The following ALMS1 variants were observed in gnomAD, a reference collection of about 807,000 sequenced individuals.
The protein encoded by ALMS1 is ALMS1 centrosome and basal body associated protein.
In ALMS1, 271 loss-of-function variants were observed where a neutral mutation model predicts 352.2. The observed-to-expected ratio is 0.77, with a 90% CI of 0.70 to 0.85. ALMS1 has a LOEUF of 0.85. Ranked by LOEUF, ALMS1 falls within the 40% of genes least tolerant of loss-of-function variation. The probability of loss-of-function intolerance (pLI) is 0.00; values close to 1 mark genes in which losing one functional copy is unlikely to be tolerated. For synonymous variants in ALMS1, 1,865 were observed against 1,761.2 expected, an observed-to-expected ratio of 1.06 and a Z score of -1.48; for missense variants, 5,445 against 4,870.7, an observed-to-expected ratio of 1.12 and a Z score of -3.51.
intron 1 of ALMS1, among the ~76,000 whole-genome samples, chr2:73,392,284 GT>G: frequency 6.7e-6 from 1 of 150,274 alleles, no homozygotes; most frequent in Non-Finnish European, 1.5e-5. Context: ...GTGTGTGTGT[GT>G]GTGTGTGTGT....
intron 21 of ALMS1, among the ~76,000 whole-genome samples, chr2:73,605,510 T>TG (rs1230367684): frequency 2.6e-5 from 4 of 152,210 alleles, no homozygotes; most frequent in African/African-American, 9.7e-5. Context: ...AGGAAAAGTT[T>TG]ATGACATGTT....
intron 9 of ALMS1, 133 bp downstream of exon 9, chr2:73,455,428 C>A (rs1260920290): frequency 9.6e-6 from 11 of 1,146,472 alleles, no homozygotes; most frequent in Non-Finnish European, 1.3e-5. Flanking sequence ...GTTTTTGAGA[C>A]AGTCTTGCTC....
intron 1 of ALMS1, among the ~76,000 whole-genome samples, chr2:73,394,495 G>A (rs1426216870): frequency 1.3e-5 from 2 of 152,080 alleles, no homozygotes; most frequent in African/African-American, 2.4e-5. Context: ...GATTACAGAT[G>A]CACACCACCA....
chr2:73,532,908 A>G (rs1673951391), intron 11 of ALMS1, among the ~76,000 whole-genome samples: 1 of 152,058 alleles, frequency 6.6e-6, no homozygotes, highest in African/African-American at 2.4e-5. Context: ...ACTGCTCACT[A>G]TTCAGGACCC....
Position 73,452,886 on chromosome 2 carries a change from A to G in ALMS1, c.6359A>G (p.Lys2120Arg), listed in dbSNP as rs745919138. 1.5e-5 allele frequency: 24 copies of G among 1,613,920 alleles called. No individual in the cohort carries two copies. The highest frequency in any genetic ancestry group is 1.9e-5 in the Non-Finnish European group (23 of 1,179,974). The change falls in exon 8 of 23, where the codon AAG becomes AGG. Residue 2120 changes from lysine (K) to arginine (R), a missense_variant. Lys to Arg is a conservative substitution (Grantham distance 26, BLOSUM62 2). Coordinates refer to ENST00000613296, the MANE Select transcript of ALMS1 (RefSeq NM_001378454.1). ...AGTCATGTAACTGAAGATGTGCTGAAGGTTTCAACAATTCCTGGACCAGCT... is the reference window on the plus strand; with the variant it reads ...AGTCATGTAACTGAAGATGTGCTGAGGGTTTCAACAATTCCTGGACCAGCT... Reference protein sequence around the residue: ...PGSHVTEDVLKVSTIPGPAGQ... With the variant: ...PGSHVTEDVLRVSTIPGPAGQ...
At chr2:73,419,088 A>G in intron 2 of ALMS1, 35 bp from the exon 3 acceptor site, 1 of 1,545,156 alleles carries the variant, frequency 6.5e-7, no homozygotes. Flanking sequence ...AACTCAGTTA[A>G]TGACTTAGCA....
chr2:73,541,149 G>C (rs952103966), intron 12 of ALMS1, among the ~76,000 whole-genome samples: 3 of 152,156 alleles, frequency 2.0e-5, no homozygotes, highest in Non-Finnish European at 4.4e-5. Context: ...AAATGTAAAA[G>C]AACAGAAATT....
At chr2:73,568,995 CTTTTTTTTTTTTTTTTTT>C (rs747436819) in intron 15 of ALMS1, among the ~76,000 whole-genome samples, 80 of 53,552 alleles carry the variant, frequency 1.5e-3, no homozygotes, top group African/African-American at 4.9e-3. Context: ...GCTTCTGCTT[CTTTTTTTTTTTTTTTTTT>C]TTTTTTTTTT....
intron 10 of ALMS1, among the ~76,000 whole-genome samples, chr2:73,518,720 TGAG>T (rs1187583552): frequency 6.6e-6 from 1 of 152,220 alleles, no homozygotes; most frequent in East Asian, 1.9e-4. Context: ...TCAGTGATAT[TGAG>T]CTTTTTTCAT....
intron 2 of ALMS1, 41 bp from the exon 3 acceptor site, chr2:73,419,082 C>A: frequency 1.3e-6 from 2 of 1,504,800 alleles, no homozygotes; most frequent in Non-Finnish European, 1.8e-6. Flanking sequence ...TATGGTAACT[C>A]AGTTAATGAC....
At chr2:73,529,988 G>A (rs1431369063) in intron 11 of ALMS1, among the ~76,000 whole-genome samples, 1 of 152,056 alleles carries the variant, frequency 6.6e-6, no homozygotes, top group African/African-American at 2.4e-5. Context: ...CCTCCCACCA[G>A]GTCCCTCCCT....
chr2:73,569,786 C>T (rs1215811479), intron 15 of ALMS1, among the ~76,000 whole-genome samples: 1 of 152,088 alleles, frequency 6.6e-6, no homozygotes, highest in Admixed American at 6.5e-5. Context: ...GGGGAAAGGC[C>T]AGCACAACTA....
At chr2:73,405,021 C>T (rs543343376) in intron 1 of ALMS1, among the ~76,000 whole-genome samples, 1 of 149,064 alleles carries the variant, frequency 6.7e-6, no homozygotes, top group Non-Finnish European at 1.5e-5. Context: ...AAGCAGTCCT[C>T]CTACCTCAGC....
At chr2:73,517,021 A>G (rs542091671) in intron 10 of ALMS1, among the ~76,000 whole-genome samples, 55 of 152,122 alleles carry the variant, frequency 3.6e-4, no homozygotes, top group African/African-American at 1.1e-3. Flanking sequence ...ATTTCAGTCT[A>G]TTACTCTGAC....
At chr2:73,539,761 C>T (rs1400916601) in intron 12 of ALMS1, among the ~76,000 whole-genome samples, 1 of 152,052 alleles carries the variant, frequency 6.6e-6, no homozygotes, top group Non-Finnish European at 1.5e-5. Flanking sequence ...GATCAACTGG[C>T]AGAAAGGGTA....
chr2:73,515,054 A>C (rs1673527628), intron 10 of ALMS1, among the ~76,000 whole-genome samples: 1 of 152,152 alleles, frequency 6.6e-6, no homozygotes, highest in Non-Finnish European at 1.5e-5. Context: ...CTCTTCTCCT[A>C]GGAGTAAGAT....
intron 12 of ALMS1, 110 bp downstream of exon 12, chr2:73,535,059 T>C: frequency 7.2e-7 from 1 of 1,393,334 alleles, no homozygotes; most frequent in South Asian, 1.2e-5. Flanking sequence ...TTCAGTGAAA[T>C]ATGGAACTTT....
At position 73,561,553 on chromosome 2, in the gene ALMS1, A is replaced by G. The variant is rs146794643; in HGVS notation, c.10384+2411A>G. ...TGAAATCATAGAAACAGAAAGTAGA[A>G]TAGTGATTGCCCAGGCTTGTGAGAG... is the stretch of plus-strand genomic sequence containing the variant. On this transcript the variant is annotated intron_variant, in intron 15 of 22. Coordinates refer to ENST00000613296, the MANE Select transcript of ALMS1 (RefSeq NM_001378454.1). Among the ~76,000 whole-genome samples the G allele has an allele frequency of 3.2e-3, 487 of 152,262 alleles. 1 individual carries two copies. Among genetic ancestry groups the G allele is most frequent in the Non-Finnish European group, 4.9e-3 (331 of 68,026 alleles).
intron 10 of ALMS1, among the ~76,000 whole-genome samples, chr2:73,506,141 G>A (rs1208340085): frequency 5.3e-5 from 8 of 152,138 alleles, no homozygotes; most frequent in Non-Finnish European, 8.8e-5. Context: ...TGTTCCATTG[G>A]TCTATGTATC....
Sources: allele counts gnomAD v4.1 joint callset (sites outside exome capture counted in the v4.1 genomes callset), GRCh38; gene constraint gnomAD v4.1.1; transcripts MANE v1.5; gene names NCBI Gene and HGNC (gene_info 2026-07-23, HGNC 2026-07-21).